Variants in SLC9A2 observed in about 807,000 individuals in gnomAD.
SLC9A2 encodes the protein solute carrier family 9 member A2, also known as sodium/hydrogen exchanger 2.
A neutral mutation model predicts 71.7 loss-of-function variants in SLC9A2; 42 were observed. That is an observed-to-expected ratio of 0.59 (90% CI 0.46 to 0.76). The LOEUF is 0.76. SLC9A2 is among the 30% of genes least tolerant of loss of function. SLC9A2 has a pLI of 0.00. For synonymous variants in SLC9A2, 396 were observed against 392.5 expected (o/e 1.01, Z -0.10); for missense variants, 829 against 1,017.4 (o/e 0.81, Z 2.52).
At chr2:102,704,999 C>T (rs763828447) in intron 10 of SLC9A2, among the ~76,000 whole-genome samples, 7 of 151,814 alleles carry the variant, frequency 4.6e-5, no homozygotes, top group Non-Finnish European at 5.9e-5. Context: ...CTCAGGAGTT[C>T]GAGACCAGCC....
In SLC9A2 at chr2:102,695,131, CA is replaced by C; in HGVS notation, c.1586+19del. ...AGAGACAAGTAAGAAGGTCTTATGCCATTGGGTTATGAAGTGGCCCAGGGTC... is the reference window on the plus strand; with the variant it reads ...AGAGACAAGTAAGAAGGTCTTATGCCTTGGGTTATGAAGTGGCCCAGGGTC... On this transcript the variant is annotated intron_variant, in intron 7 of 11. Coordinates refer to ENST00000233969, the MANE Select transcript of SLC9A2 (RefSeq NM_003048.6). 1 of 1,597,034 alleles carries C rather than the reference CA, an allele frequency of 6.3e-7. No individual in the cohort carries two copies.
chr2:102,695,079 T>A lies in SLC9A2; in HGVS notation c.1552T>A (p.Cys518Ser), dbSNP rs779730398. 8.7e-6 allele frequency: 14 copies of A among 1,614,046 alleles called. No individual in the cohort carries two copies. The South Asian group carries it at 1.5e-4, about 18-fold the overall frequency. Residue 518 changes from cysteine to serine, a missense_variant, in exon 7 of 12, where the codon TGT becomes AGT. By Grantham distance (112) the Cys-to-Ser change is moderately radical (BLOSUM62 -1). Around this residue, in one of 3 missense-constraint regions of SLC9A2, gnomAD observed 500 missense variants for 726.3 expected, o/e 0.69. Coordinates refer to ENST00000233969, the MANE Select transcript of SLC9A2 (RefSeq NM_003048.6). ...DHVKTGIEDV[C>S]GHWGHNFWRD... ...TGTGAAGACTGGAATTGAAGATGTT[T>A]GTGGACATTGGGGTCACAACTTTTG...
chr2:102,644,462 A>G (rs1676676130), intron 1 of SLC9A2, among the ~76,000 whole-genome samples: 1 of 152,080 alleles, frequency 6.6e-6, no homozygotes, highest in Non-Finnish European at 1.5e-5. Flanking sequence ...CCAGCAAGAG[A>G]GAACTGTTCA....
intron 5 of SLC9A2, among the ~76,000 whole-genome samples, chr2:102,687,123 C>T (rs1310044082): frequency 6.6e-6 from 1 of 152,210 alleles, no homozygotes; most frequent in African/African-American, 2.4e-5. Flanking sequence ...AGAGAAATTG[C>T]TGCGGTTCCA....
intron 1 of SLC9A2, among the ~76,000 whole-genome samples, chr2:102,642,977 A>T (rs975103982): frequency 5.9e-5 from 9 of 152,080 alleles, no homozygotes; most frequent in Admixed American, 1.3e-4. Context: ...GGTCCATTTC[A>T]GCTTAGATGT....
chr2:102,662,689 G>A (rs1677070396), intron 2 of SLC9A2, among the ~76,000 whole-genome samples: 1 of 152,054 alleles, frequency 6.6e-6, no homozygotes, highest in Admixed American at 6.5e-5. Context: ...GCAGGAGCAG[G>A]AGTGAATAAA....
At chr2:102,675,525 G>T (rs1048064294) in intron 3 of SLC9A2, among the ~76,000 whole-genome samples, 1 of 152,154 alleles carries the variant, frequency 6.6e-6, no homozygotes, top group African/African-American at 2.4e-5. Flanking sequence ...GCTCCAGTCT[G>T]ACTGGCTGTC....
At chr2:102,631,500 A>T (rs1676356047) in intron 1 of SLC9A2, among the ~76,000 whole-genome samples, 1 of 151,980 alleles carries the variant, frequency 6.6e-6, no homozygotes, top group Non-Finnish European at 1.5e-5. Flanking sequence ...CTACTGACAT[A>T]TCTCATTTTG....
intron 1 of SLC9A2, among the ~76,000 whole-genome samples, chr2:102,653,749 G>T (rs1558708442): frequency 6.6e-6 from 1 of 152,224 alleles, no homozygotes; most frequent in Non-Finnish European, 1.5e-5. Context: ...AGGTGAAAGA[G>T]GAAATGGGAG....
intron 1 of SLC9A2, among the ~76,000 whole-genome samples, chr2:102,629,310 G>GC (rs1476385625): frequency 1.3e-5 from 2 of 151,952 alleles, no homozygotes; most frequent in East Asian, 3.9e-4. Flanking sequence ...AGTACTTGTG[G>GC]CTCAAAGTGT....
intron 10 of SLC9A2, 39 bp downstream of exon 10, chr2:102,704,714 G>A: frequency 1.3e-6 from 2 of 1,594,152 alleles, no homozygotes; most frequent in Non-Finnish European, 1.7e-6. Flanking sequence ...TCCAGGGGTG[G>A]AGCCGACAGC....
intron 10 of SLC9A2, among the ~76,000 whole-genome samples, 154 bp from the exon 11 acceptor site, chr2:102,705,692 G>A (rs2104557536): frequency 6.6e-6 from 1 of 152,232 alleles, no homozygotes; most frequent in Middle Eastern, 3.4e-3. Context: ...ATTATTTCAA[G>A]TTATAATAGT....
chr2:102,700,042 C>T (rs1472328553), intron 7 of SLC9A2, among the ~76,000 whole-genome samples: 8 of 152,034 alleles, frequency 5.3e-5, no homozygotes, highest in African/African-American at 7.2e-5. Context: ...GAATTTTTGG[C>T]GGGACACAAT....
chr2:102,694,174 A>T (rs557091249), intron 5 of SLC9A2, among the ~76,000 whole-genome samples: 20 of 152,236 alleles, frequency 1.3e-4, no homozygotes, highest in Middle Eastern at 6.8e-3. Flanking sequence ...TTGTTAGGAC[A>T]TGGTCCTTTT....
chr2:102,653,547 G>A (rs1026292149), intron 1 of SLC9A2, among the ~76,000 whole-genome samples: 2 of 152,184 alleles, frequency 1.3e-5, no homozygotes, highest in Admixed American at 1.3e-4. Context: ...CAGTCTCATT[G>A]CCTGAGCATG....
chr2:102,702,025 G>A (rs1677882797), intron 8 of SLC9A2, among the ~76,000 whole-genome samples: 1 of 152,156 alleles, frequency 6.6e-6, no homozygotes, highest in Non-Finnish European at 1.5e-5. Flanking sequence ...TTATGATGAG[G>A]TTTTTAAAAT....
intron 3 of SLC9A2, among the ~76,000 whole-genome samples, chr2:102,676,644 T>A (rs964928878): frequency 7.2e-5 from 11 of 152,354 alleles, no homozygotes; most frequent in Middle Eastern, 3.4e-3. Flanking sequence ...TATGTCAAAC[T>A]CTGTTTCTCT....
chr2:102,707,461 T>C (rs1678004018), intron 11 of SLC9A2, among the ~76,000 whole-genome samples: 1 of 152,130 alleles, frequency 6.6e-6, no homozygotes, highest in Non-Finnish European at 1.5e-5. Context: ...AAACATGTTC[T>C]CAGTTCCCAA....
rs1357805286 is a variant in SLC9A2 at position 102,710,964 on chromosome 2, A to T, written c.*2475A>T. ...ACTTTATATGTAATGCTGAGAGGAG[A>T]CTGTTGGGAACAGTTATGTCAATGA... On this transcript the variant is annotated 3_prime_UTR_variant, in exon 12 of 12. Coordinates refer to ENST00000233969, the MANE Select transcript of SLC9A2 (RefSeq NM_003048.6). 1 of 152,286 alleles carries T rather than the reference A, an allele frequency of 6.6e-6. No individual in the cohort carries two copies. Among genetic ancestry groups the T allele is most frequent in the Admixed American group, 6.6e-5 (1 of 15,262 alleles). The allele number at this position is 152,286 out of a possible 1,614,324, so 9.4% of individuals were successfully genotyped here. A position where few individuals can be genotyped will look rare whatever the true frequency, so the allele number is the denominator to read the frequency against.
Sources: allele counts gnomAD v4.1 joint callset (sites outside exome capture counted in the v4.1 genomes callset), GRCh38; gene constraint gnomAD v4.1.1; regional missense constraint gnomAD v4.1.1; transcripts MANE v1.5; gene names NCBI Gene and HGNC (gene_info 2026-07-23, HGNC 2026-07-21).